PCDH15: variants seen among roughly 807,000 people sequenced by gnomAD.
PCDH15 encodes the protein protocadherin related 15, also known as protocadherin-15.
A neutral mutation model predicts 178.5 loss-of-function variants in PCDH15; 129 were observed. That is an observed-to-expected ratio of 0.72 (90% CI 0.63 to 0.84). The LOEUF (loss-of-function observed/expected upper bound fraction) is 0.84, where lower values mean the gene tolerates loss of function less well. Among genes scored for constraint, PCDH15 ranks in the 40% least tolerant of loss-of-function variants. The probability of loss-of-function intolerance (pLI) is 0.00; values close to 1 mark genes in which losing one functional copy is unlikely to be tolerated. For synonymous variants in PCDH15, 800 were observed against 732.0 expected, an observed-to-expected ratio of 1.09 and a Z score of -1.50; for missense variants, 2,230 against 2,099.9, an observed-to-expected ratio of 1.06 and a Z score of -1.21.
chr10:54,906,798 C>T (rs1591775324), intron 2 of PCDH15, among the ~76,000 whole-genome samples: 1 of 152,076 alleles, frequency 6.6e-6, no homozygotes, highest in Admixed American at 6.6e-5. Context: ...ATCAGATATG[C>T]TAAGAAATGT....
intron 2 of PCDH15, among the ~76,000 whole-genome samples, chr10:54,938,940 A>G (rs1837982342): frequency 1.3e-5 from 2 of 152,182 alleles, no homozygotes; most frequent in Admixed American, 6.5e-5. Context: ...GGAAGGTTAC[A>G]GAAATGAATT....
intron 1 of PCDH15, among the ~76,000 whole-genome samples, chr10:54,673,890 A>T (rs1049322775): frequency 2.6e-5 from 4 of 152,218 alleles, no homozygotes; most frequent in Non-Finnish European, 1.5e-5. Context: ...TACAACATTT[A>T]TTTAACACGA....
At chr10:55,415,282 T>C (rs1247540333) in intron 2 of PCDH15, among the ~76,000 whole-genome samples, 1 of 151,714 alleles carries the variant, frequency 6.6e-6, no homozygotes, top group African/African-American at 2.4e-5. Flanking sequence ...ATGTTCTTTA[T>C]ATTTCAGAGT....
intron 2 of PCDH15, among the ~76,000 whole-genome samples, chr10:55,413,323 G>A (rs1838390845): frequency 6.6e-6 from 1 of 151,036 alleles, no homozygotes; most frequent in African/African-American, 2.4e-5. Context: ...TCTTTTCATG[G>A]ACTTTATGCT....
intron 2 of PCDH15, among the ~76,000 whole-genome samples, chr10:54,654,478 C>T (rs1322198499): frequency 6.6e-6 from 1 of 152,208 alleles, no homozygotes; most frequent in East Asian, 1.9e-4. Context: ...TGCTGAAATG[C>T]TACAAAATTA....
intron 2 of PCDH15, among the ~76,000 whole-genome samples, chr10:55,603,502 A>G (rs1429254935): frequency 4.0e-5 from 6 of 151,802 alleles, no homozygotes; most frequent in South Asian, 2.1e-4. Flanking sequence ...GAGAAAGGTC[A>G]GGTTACCCTC....
chr10:55,296,277 C>A (rs150578944), intron 1 of PCDH15, among the ~76,000 whole-genome samples: 9 of 152,182 alleles, frequency 5.9e-5, no homozygotes, highest in African/African-American at 2.2e-4. Flanking sequence ...AAATCATTGG[C>A]ACTTTGTGAC....
intron 1 of PCDH15, among the ~76,000 whole-genome samples, chr10:54,796,984 A>T (rs1353830226): frequency 6.6e-6 from 1 of 152,044 alleles, no homozygotes; most frequent in Non-Finnish European, 1.5e-5. Context: ...AGAATCAGAA[A>T]AGGCTCATTC....
intron 2 of PCDH15, among the ~76,000 whole-genome samples, chr10:55,356,541 A>G (rs576851545): frequency 6.6e-6 from 1 of 152,010 alleles, no homozygotes; most frequent in African/African-American, 2.4e-5. Context: ...TTAAATATCT[A>G]TAAAACAAAG....
chr10:55,241,562 G>A (rs1343869036), intron 1 of PCDH15, among the ~76,000 whole-genome samples: 1 of 152,000 alleles, frequency 6.6e-6, no homozygotes, highest in Non-Finnish European at 1.5e-5. Flanking sequence ...TGAGACCACA[G>A]GTGTACACCA....
At chr10:53,886,837 C>A (rs900334870) in intron 26 of PCDH15, among the ~76,000 whole-genome samples, 3 of 152,092 alleles carry the variant, frequency 2.0e-5, no homozygotes, top group Non-Finnish European at 4.4e-5. Context: ...GATGTTTGTT[C>A]TCTGCTGAGT....
rs1246602633 is a variant in PCDH15, at chr10:53,963,706, G to A, written c.2869-1814C>T. 2.0e-5 allele frequency among the ~76,000 whole-genome samples: 3 copies of A among 151,904 alleles called. No homozygotes were observed. The East Asian group carries it at 5.8e-4, about 29-fold the overall frequency. On this transcript the variant is annotated intron_variant, in intron 21 of 37. Coordinates refer to ENST00000644397, the MANE Select transcript of PCDH15 (RefSeq NM_001384140.1). Reference sequence around the variant, plus strand: ...GATAATGGCTCTACCTTTTACTAAGGTGTTCTATCTGAAAGCCTAGGGGTA... The same window carrying A: ...GATAATGGCTCTACCTTTTACTAAGATGTTCTATCTGAAAGCCTAGGGGTA...
intron 1 of PCDH15, among the ~76,000 whole-genome samples, chr10:54,771,705 C>T (rs1208734805): frequency 6.6e-6 from 1 of 152,010 alleles, no homozygotes; most frequent in African/African-American, 2.4e-5. Context: ...GTACAAATTA[C>T]ACATAATTAT....
At chr10:54,827,835 A>C (rs1953156322) in intron 3 of PCDH15, among the ~76,000 whole-genome samples, 1 of 152,118 alleles carries the variant, frequency 6.6e-6, no homozygotes, top group Non-Finnish European at 1.5e-5. Flanking sequence ...AATATGAGTA[A>C]TTTGGAATGG....
exon 3 of PCDH15, chr10:54,897,467 G>A (rs1448508801): frequency 1.3e-5 from 2 of 152,038 alleles, no homozygotes; most frequent in East Asian, 3.8e-4. Flanking sequence ...GCAGGTCTTT[G>A]GAATGGTATT....
At chr10:54,112,131 G>A (rs1381310525) in intron 15 of PCDH15, among the ~76,000 whole-genome samples, 1 of 151,850 alleles carries the variant, frequency 6.6e-6, no homozygotes, top group Non-Finnish European at 1.5e-5. Context: ...GACAGAGTGA[G>A]ACTCTGTCTC....
At chr10:54,826,085 G>C (rs914642582) in intron 3 of PCDH15, among the ~76,000 whole-genome samples, 4 of 151,952 alleles carry the variant, frequency 2.6e-5, no homozygotes, top group East Asian at 1.9e-4. Flanking sequence ...AGACTTAGTA[G>C]TTAGTGCTTC....
chr10:54,612,294 T>C (rs1260744203), intron 2 of PCDH15, among the ~76,000 whole-genome samples: 1 of 151,880 alleles, frequency 6.6e-6, no homozygotes, highest in Non-Finnish European at 1.5e-5. Context: ...TCTGTACACA[T>C]ATATTTATTA....
chr10:54,987,279 G>A (rs746453841), intron 2 of PCDH15, among the ~76,000 whole-genome samples: 1 of 152,016 alleles, frequency 6.6e-6, no homozygotes, highest in Non-Finnish European at 1.5e-5. Flanking sequence ...TGGGCATTTG[G>A]GTTCATTCCA....
Sources: allele counts gnomAD v4.1 joint callset (sites outside exome capture counted in the v4.1 genomes callset), GRCh38; gene constraint gnomAD v4.1.1; transcripts MANE v1.5; gene names NCBI Gene and HGNC (gene_info 2026-07-23, HGNC 2026-07-21).